GLB1: variants seen among roughly 807,000 people sequenced by gnomAD.
The protein encoded by GLB1 is beta-galactosidase.
A neutral mutation model predicts 74.0 loss-of-function variants in GLB1; 56 were observed. That is an observed-to-expected ratio of 0.76 (90% CI 0.61 to 0.94). The LOEUF is 0.94. GLB1 is among the 40% of genes least tolerant of loss of function. The pLI is 0.00. For synonymous variants in GLB1, 323 were observed against 323.6 expected (o/e 1.00, Z 0.02); for missense variants, 787 against 845.5 (o/e 0.93, Z 0.86).
At chr3:33,002,407 A>T (rs1440744119) in intron 15 of GLB1, among the ~76,000 whole-genome samples, 1 of 127,252 alleles carries the variant, frequency 7.9e-6, no homozygotes, top group Non-Finnish European at 1.6e-5. Flanking sequence ...TCACGCTGTC[A>T]TTCAGACTAG....
intron 9 of GLB1, among the ~76,000 whole-genome samples, chr3:33,049,012 T>C (rs1281083250): frequency 2.6e-5 from 4 of 152,222 alleles, no homozygotes; most frequent in African/African-American, 9.6e-5. Flanking sequence ...ACAACATTTA[T>C]GTTCTGACAG....
chr3:32,993,710 T>A (rs550178542), downstream of GLB1, among the ~76,000 whole-genome samples: 11 of 151,678 alleles, frequency 7.3e-5, 1 homozygote, highest in East Asian at 1.7e-3. Flanking sequence ...AATTTTTGTA[T>A]TTTTTAGTAG....
the GLB1 span, among the ~76,000 whole-genome samples, chr3:32,986,594 CTT>C: frequency 0.017 from 2,363 of 142,352 alleles, 62 homozygotes; most frequent in African/African-American, 0.058. Context: ...GACTGTTTCT[CTT>C]TTTTTTTTTT....
intron 9 of GLB1, among the ~76,000 whole-genome samples, chr3:33,048,889 C>T (rs59336906): frequency 0.081 from 12,292 of 152,036 alleles, 1,149 homozygotes; most frequent in East Asian, 0.48. Context: ...AAAAGTGGTG[C>T]TGATAATCTC....
intron 14 of GLB1, among the ~76,000 whole-genome samples, chr3:33,015,363 C>T (rs77417057): frequency 0.069 from 10,495 of 152,122 alleles, 527 homozygotes; most frequent in East Asian, 0.24. Context: ...ACTGTGATAC[C>T]TTAAGAGGAT....
At chr3:33,007,628 G>A (rs957526111) in intron 15 of GLB1, among the ~76,000 whole-genome samples, 4 of 152,150 alleles carry the variant, frequency 2.6e-5, no homozygotes, top group African/African-American at 9.7e-5. Context: ...TGGACATTTG[G>A]GCTGTTTCCA....
chr3:33,030,373 C>T (rs1221438282), intron 10 of GLB1, among the ~76,000 whole-genome samples: 1 of 152,216 alleles, frequency 6.6e-6, no homozygotes. Context: ...AAAGCCAACT[C>T]TACAGGAAAC....
intron 11 of GLB1, among the ~76,000 whole-genome samples, chr3:33,022,402 C>G (rs938809272): frequency 1.3e-5 from 2 of 151,846 alleles, no homozygotes; most frequent in African/African-American, 4.8e-5. Context: ...GTTTTACATG[C>G]ACTAGCTCAT....
At chr3:32,961,264 C>A in the GLB1 span, among the ~76,000 whole-genome samples, 2 of 152,200 alleles carry the variant, frequency 1.3e-5, no homozygotes, top group East Asian at 1.9e-4. Context: ...GACAGAGATC[C>A]TTTTCAGACT....
intron 1 of GLB1, among the ~76,000 whole-genome samples, chr3:33,080,559 A>G (rs970687271): frequency 3.1e-4 from 47 of 152,310 alleles, no homozygotes; most frequent in Non-Finnish European, 4.1e-4. Context: ...CAGGCAGTCC[A>G]TGCCCCTGAG....
chr3:33,088,000 GC>G (rs1312112487), intron 1 of GLB1, among the ~76,000 whole-genome samples: 1 of 151,886 alleles, frequency 6.6e-6, no homozygotes, highest in Non-Finnish European at 1.5e-5. Flanking sequence ...AGATTGAAGG[GC>G]AAAAACCACA....
chr3:33,077,368 GAGAC>G (rs1700151891), intron 1 of GLB1: 1 of 1,357,984 alleles, frequency 7.4e-7, no homozygotes, highest in South Asian at 1.2e-5. Context: ...GATGGTCAAT[GAGAC>G]AGATCAGATT....
rs755581184 is a variant in GLB1, at chr3:32,997,206, G to T, written c.1873C>A (p.Pro625Thr). Residue 625 changes from proline (P) to threonine (T), a missense_variant, in exon 16 of 16, where the codon CCC becomes ACC. By Grantham distance (38) the Pro-to-Thr change is conservative (BLOSUM62 -1). Coordinates refer to ENST00000307363, the MANE Select transcript of GLB1 (RefSeq NM_000404.4). ...AGTTCTGGATCATCACTGCTGCAGG[G>T]TGCCCACTCCAGTTCCAGCACGGTG... Reference protein sequence around the residue: ...TITVLELEWAPCSSDDPELCA... With the variant: ...TITVLELEWATCSSDDPELCA... 2.5e-6 allele frequency: 4 copies of T among 1,614,202 alleles called. No individual in the cohort carries two copies. In the South Asian group the frequency reaches 3.3e-5, roughly 13 times the overall value.
chr3:33,085,909 CA>C (rs56129722), intron 1 of GLB1, among the ~76,000 whole-genome samples: 8,804 of 117,508 alleles, frequency 0.075, 586 homozygotes, highest in African/African-American at 0.19. Flanking sequence ...CTGTCTCTAC[CA>C]AAAAAAAAAA....
At chr3:33,071,869 C>T (rs760424262) in intron 2 of GLB1, among the ~76,000 whole-genome samples, 1 of 152,136 alleles carries the variant, frequency 6.6e-6, no homozygotes, top group Non-Finnish European at 1.5e-5. Context: ...CTGCTCCATA[C>T]CCAGAAGGAA....
intron 10 of GLB1, chr3:33,034,865 C>A: frequency 1.9e-6 from 1 of 513,410 alleles, no homozygotes; most frequent in Non-Finnish European, 3.9e-6. Context: ...ATCATCTAAT[C>A]TGCCTTAACA....
intron 9 of GLB1, among the ~76,000 whole-genome samples, chr3:33,046,689 G>C (rs888074740): frequency 2.0e-5 from 3 of 152,156 alleles, no homozygotes; most frequent in African/African-American, 7.2e-5. Context: ...CAGATGACTA[G>C]GCCATGGATC....
At chr3:33,076,599 C>T (rs552329107) in intron 1 of GLB1, among the ~76,000 whole-genome samples, 6 of 152,174 alleles carry the variant, frequency 3.9e-5, no homozygotes, top group Admixed American at 1.3e-4. Context: ...GGCACAGGCG[C>T]GAACCTGAAG....
intron 4 of GLB1, among the ~76,000 whole-genome samples, chr3:33,066,342 G>T (rs960969659): frequency 6.6e-6 from 1 of 152,136 alleles, no homozygotes; most frequent in Non-Finnish European, 1.5e-5. Context: ...ATGGATTCAT[G>T]GGTCATCATG....
Sources: allele counts gnomAD v4.1 joint callset (sites outside exome capture counted in the v4.1 genomes callset), GRCh38; gene constraint gnomAD v4.1.1; transcripts MANE v1.5; gene names NCBI Gene and HGNC (gene_info 2026-07-23, HGNC 2026-07-21).